The following SYTL3 variants were observed in gnomAD, a reference collection of about 807,000 sequenced individuals.
SYTL3 encodes synaptotagmin-like protein 3.
SYTL3 carries 88 observed loss-of-function variants against 82.1 expected under a neutral mutation model. The observed-to-expected ratio is 1.07, with a 90% CI of 0.90 to 1.28. The LOEUF is 1.28. Ranked by LOEUF, SYTL3 falls within the 50% of genes most tolerant of loss-of-function variation. SYTL3 has a pLI of 0.00. For synonymous variants in SYTL3, 311 were observed against 289.4 expected (o/e 1.07, Z -0.76); for missense variants, 831 against 757.6 (o/e 1.10, Z -1.14).
chr6:158,662,504 A>G (rs770367974), intron 3 of SYTL3, among the ~76,000 whole-genome samples: 7 of 152,252 alleles, frequency 4.6e-5, no homozygotes, highest in Non-Finnish European at 8.8e-5. Flanking sequence ...AATGTACATT[A>G]AACACAGACT....
At chr6:158,688,866 TATTG>T (rs1276711776) in intron 6 of SYTL3, among the ~76,000 whole-genome samples, 3 of 152,228 alleles carry the variant, frequency 2.0e-5, no homozygotes, top group Admixed American at 2.0e-4. Context: ...GGCAAAAAAT[TATTG>T]AATAGAGGCA....
chr6:158,725,381 C>T, intron 10 of SYTL3, 122 bp from the exon 11 acceptor site: 2 of 1,064,178 alleles, frequency 1.9e-6, no homozygotes, highest in Non-Finnish European at 2.7e-6. Flanking sequence ...GGTGTGTCCT[C>T]CTACTCAGAA....
intron 6 of SYTL3, among the ~76,000 whole-genome samples, chr6:158,703,153 TAAAA>T (rs71297001): frequency 4.2e-5 from 4 of 94,876 alleles, no homozygotes; most frequent in Non-Finnish European, 8.4e-5. Context: ...GACTCTGTCT[TAAAA>T]AAAAAAAAAA....
Position 158,763,370 on chromosome 6 carries a change from C to T in SYTL3, c.1584C>T (p.Cys528=), listed in dbSNP as rs2128556192. 6.2e-7 allele frequency: 1 copy of T among 1,614,200 alleles called. No homozygotes were observed. Among genetic ancestry groups the T allele is most frequent in the Non-Finnish European group, 8.5e-7 (1 of 1,180,038 alleles). The change falls in exon 17 of 18, where the codon TGC becomes TGT. Residue 528 remains cysteine (C), a synonymous_variant. Coordinates refer to ENST00000611299, the MANE Select transcript of SYTL3 (RefSeq NM_001242394.2). ...CGCCAGTCCTGAGGAAGCAGGCTTG[C>T]CCCCAGTGGAAACACTCATTTGTCT... ...LKSPVLRKQA[C]PQWKHSFVFS...
chr6:158,760,451 T>C (rs1335616677), intron 14 of SYTL3, among the ~76,000 whole-genome samples, 189 bp from the exon 15 acceptor site: 1 of 151,856 alleles, frequency 6.6e-6, no homozygotes, highest in Non-Finnish European at 1.5e-5. Flanking sequence ...CATGCTGGGG[T>C]TGGGGAGGGT....
intron 2 of SYTL3, among the ~76,000 whole-genome samples, chr6:158,656,817 A>G (rs1186056799): frequency 1.3e-5 from 2 of 152,204 alleles, no homozygotes; most frequent in African/African-American, 4.8e-5. Flanking sequence ...ATGGCGGGAC[A>G]GTGTGGAGAA....
At chr6:158,732,035 A>C (rs1358388747) in intron 11 of SYTL3, among the ~76,000 whole-genome samples, 1 of 152,242 alleles carries the variant, frequency 6.6e-6, no homozygotes, top group Non-Finnish European at 1.5e-5. Context: ...AATTAGGAAG[A>C]CATAGTAAGT....
At chr6:158,697,390 C>T (rs1337636585) in intron 6 of SYTL3, among the ~76,000 whole-genome samples, 5 of 151,608 alleles carry the variant, frequency 3.3e-5, no homozygotes, top group Admixed American at 1.3e-4. Context: ...GAGCCAAGAT[C>T]GCGCCACTGC....
At chr6:158,699,038 G>A (rs970125862) in intron 6 of SYTL3, among the ~76,000 whole-genome samples, 4 of 152,220 alleles carry the variant, frequency 2.6e-5, no homozygotes, top group Non-Finnish European at 5.9e-5. Flanking sequence ...GACCCATGCT[G>A]TGTGGGTGTG....
chr6:158,706,149 A>G (rs1377712796), intron 6 of SYTL3, among the ~76,000 whole-genome samples: 2 of 152,048 alleles, frequency 1.3e-5, no homozygotes, highest in African/African-American at 4.8e-5. Flanking sequence ...GCCTTATAGA[A>G]TCCTGTGAAA....
chr6:158,670,460 ATTTC>A (rs1258282137), intron 5 of SYTL3, among the ~76,000 whole-genome samples: 1 of 152,172 alleles, frequency 6.6e-6, no homozygotes, highest in African/African-American at 2.4e-5. Context: ...TCAAAACCTT[ATTTC>A]TTTTTTTCCC....
At chr6:158,704,447 C>T (rs1390472817) in intron 6 of SYTL3, among the ~76,000 whole-genome samples, 2 of 152,230 alleles carry the variant, frequency 1.3e-5, no homozygotes, top group East Asian at 1.9e-4. Context: ...ATTTGCGACC[C>T]GGGCCGAAGC....
chr6:158,712,512 C>T (rs1169588611), intron 8 of SYTL3, among the ~76,000 whole-genome samples: 2 of 152,130 alleles, frequency 1.3e-5, no homozygotes, highest in Non-Finnish European at 2.9e-5. Flanking sequence ...AAGGCAGTAA[C>T]AAAGTAATAG....
rs181294151 is a variant in SYTL3, at chr6:158,707,270, T to C, written c.435T>C (p.Tyr145=). 121 of 1,613,926 alleles carry C rather than the reference T, an allele frequency of 7.5e-5. No individual in the cohort carries two copies. In the Middle Eastern group the frequency reaches 1.3e-3, roughly 18 times the overall value. Residue 145 remains tyrosine (Y), a synonymous_variant, in exon 7 of 18, where the codon TAT becomes TAC. Coordinates refer to ENST00000611299, the MANE Select transcript of SYTL3 (RefSeq NM_001242394.2). ...ETVGGQLLQS[Y]QKLSKISVVP... Reference sequence around the variant, plus strand: ...TTGGAGGGCAGCTCTTGCAATCTTATCAGAAGCTGAGGTGAGTGTTACAAA... The same window carrying C: ...TTGGAGGGCAGCTCTTGCAATCTTACCAGAAGCTGAGGTGAGTGTTACAAA...
At chr6:158,658,519 A>G (rs574936937) in intron 2 of SYTL3, among the ~76,000 whole-genome samples, 1 of 152,326 alleles carries the variant, frequency 6.6e-6, no homozygotes, top group East Asian at 1.9e-4. Flanking sequence ...AATGACCTTC[A>G]TAGCTTTCTG....
intron 11 of SYTL3, among the ~76,000 whole-genome samples, chr6:158,737,554 C>T (rs1786343394): frequency 1.3e-5 from 2 of 152,160 alleles, no homozygotes; most frequent in Admixed American, 1.3e-4. Context: ...TGCCGTTACC[C>T]AGATTGACTT....
chr6:158,648,377 G>A (rs567592428), upstream of SYTL3, among the ~76,000 whole-genome samples: 1 of 152,152 alleles, frequency 6.6e-6, no homozygotes, highest in East Asian at 1.9e-4. Flanking sequence ...GGATCACGAG[G>A]TCAGGAGATC....
At chr6:158,720,729 A>G (rs956123427) in intron 10 of SYTL3, among the ~76,000 whole-genome samples, 4 of 152,176 alleles carry the variant, frequency 2.6e-5, no homozygotes, top group Non-Finnish European at 5.9e-5. Context: ...TGTAATCCTT[A>G]AGACAGCCCT....
chr6:158,738,998 C>T (rs1291015430), intron 11 of SYTL3, among the ~76,000 whole-genome samples: 1 of 152,164 alleles, frequency 6.6e-6, no homozygotes, highest in African/African-American at 2.4e-5. Context: ...CTTGGCATTC[C>T]CACCTTTCCC....
Sources: allele counts gnomAD v4.1 joint callset (sites outside exome capture counted in the v4.1 genomes callset), GRCh38; gene constraint gnomAD v4.1.1; transcripts MANE v1.5; gene names NCBI Gene and HGNC (gene_info 2026-07-23, HGNC 2026-07-21).